Variants in SAMMSON observed in about 807,000 individuals in gnomAD.
SAMMSON encodes survival associated mitochondrial melanoma specific oncogenic non-coding RNA.
At chr3:70,263,216 C>T (rs1320665691) in intron 6 of SAMMSON, among the ~76,000 whole-genome samples, 2 of 152,008 alleles carry the variant, frequency 1.3e-5, no homozygotes, top group Non-Finnish European at 2.9e-5. Flanking sequence ...TATTTTCCTG[C>T]TTCTTCTTTC....
At chr3:70,275,796 G>A (rs918723061) in intron 6 of SAMMSON, among the ~76,000 whole-genome samples, 1 of 152,124 alleles carries the variant, frequency 6.6e-6, no homozygotes, top group Non-Finnish European at 1.5e-5. Flanking sequence ...TGCTATATGA[G>A]GACCTGGTAA....
intron 3 of SAMMSON, among the ~76,000 whole-genome samples, chr3:70,067,177 G>A (rs568704735): frequency 1.3e-5 from 2 of 152,054 alleles, no homozygotes; most frequent in South Asian, 4.2e-4. Flanking sequence ...ACTTGGCACA[G>A]GTATCGGAGA....
intron 2 of SAMMSON, among the ~76,000 whole-genome samples, chr3:70,399,353 A>T (rs985468775): frequency 6.6e-6 from 1 of 152,176 alleles, no homozygotes; most frequent in Non-Finnish European, 1.5e-5. Flanking sequence ...GTGGGTCACA[A>T]AAGTATGAAA....
intron 4 of SAMMSON, among the ~76,000 whole-genome samples, chr3:70,153,041 G>A (rs2067577696): frequency 6.6e-6 from 1 of 151,896 alleles, no homozygotes; most frequent in African/African-American, 2.4e-5. Flanking sequence ...GCCCTTTAAT[G>A]AATCTGAAGG....
intron 6 of SAMMSON, among the ~76,000 whole-genome samples, chr3:70,286,985 A>C (rs1244630341): frequency 4.0e-5 from 6 of 149,642 alleles, no homozygotes; most frequent in African/African-American, 1.0e-4. Context: ...TCTAGATATA[A>C]AATCATGTCG....
chr3:70,216,025 A>G (rs1701406464), intron 4 of SAMMSON, among the ~76,000 whole-genome samples: 1 of 152,144 alleles, frequency 6.6e-6, no homozygotes, highest in Non-Finnish European at 1.5e-5. Context: ...CTGTGAAAAT[A>G]CAAAAAGATA....
chr3:70,080,265 G>C (rs1170131337), intron 4 of SAMMSON, among the ~76,000 whole-genome samples: 1 of 152,160 alleles, frequency 6.6e-6, no homozygotes, highest in African/African-American at 2.4e-5. Context: ...TGGCTTAGCT[G>C]TTTCCCTCTT....
At chr3:70,292,848 G>A (rs934268275) in intron 7 of SAMMSON, among the ~76,000 whole-genome samples, 5 of 151,608 alleles carry the variant, frequency 3.3e-5, no homozygotes, top group Non-Finnish European at 5.9e-5. Flanking sequence ...TTTCTTTGAA[G>A]GTAGAATTAC....
At chr3:70,308,836 G>A (rs13326146) in intron 7 of SAMMSON, among the ~76,000 whole-genome samples, 2,015 of 152,164 alleles carry the variant, frequency 0.013, 30 homozygotes, top group African/African-American at 0.045. Context: ...TTGCTTGCAT[G>A]TTCACTCTGA....
At chr3:70,262,233 T>G (rs1231794196) in intron 6 of SAMMSON, among the ~76,000 whole-genome samples, 1 of 152,150 alleles carries the variant, frequency 6.6e-6, no homozygotes, top group East Asian at 1.9e-4. Flanking sequence ...GCATGAATAA[T>G]TATACCAATA....
chr3:70,070,887 A>G (rs1210674137), intron 3 of SAMMSON, among the ~76,000 whole-genome samples: 1 of 151,990 alleles, frequency 6.6e-6, no homozygotes, highest in African/African-American at 2.4e-5. Context: ...GGAGGTAAAA[A>G]CCCAAATTTT....
chr3:70,395,476 A>G (rs1431507506), intron 2 of SAMMSON, among the ~76,000 whole-genome samples: 3 of 148,266 alleles, frequency 2.0e-5, no homozygotes, highest in Non-Finnish European at 4.5e-5. Flanking sequence ...GTGCAGTAAA[A>G]CTCCTTTATT....
intron 4 of SAMMSON, chr3:70,205,112 G>A (rs1041588437): frequency 3.3e-5 from 5 of 152,152 alleles, no homozygotes; most frequent in African/African-American, 1.2e-4. Context: ...AGTACCTTGA[G>A]CTTTGAAAAA....
In SAMMSON at chr3:70,293,551, A is replaced by G. The variant is rs1277455336; in HGVS notation, n.739+2308A>G. Among the ~76,000 whole-genome samples the G allele has an allele frequency of 2.0e-5, 3 of 152,064 alleles. 1 individual carries two copies. Among genetic ancestry groups the G allele is most frequent in the Admixed American group, 2.0e-4 (3 of 15,262 alleles). Reference sequence around the variant, plus strand: ...GAAGGAAATCTTAAGTTTTAGTTAGAGGTTGTGAAAATAAAACATCTGTGC... The same window carrying G: ...GAAGGAAATCTTAAGTTTTAGTTAGGGGTTGTGAAAATAAAACATCTGTGC... On this transcript the variant is annotated intron_variant and non_coding_transcript_variant, in intron 7 of 9. Transcript: ENST00000642114.
intron 4 of SAMMSON, chr3:70,072,227 G>A (rs2067232692): frequency 6.6e-6 from 1 of 151,620 alleles, no homozygotes; most frequent in African/African-American, 2.4e-5. Flanking sequence ...ACTCCAAATC[G>A]ACTACTCAGA....
chr3:70,295,390 T>C (rs115227239), intron 7 of SAMMSON, among the ~76,000 whole-genome samples: 1 of 152,154 alleles, frequency 6.6e-6, no homozygotes, highest in Non-Finnish European at 1.5e-5. Context: ...TTTGACTGAA[T>C]TATTCCCAAA....
At chr3:70,329,810 C>T (rs1330316652) in intron 7 of SAMMSON, among the ~76,000 whole-genome samples, 1 of 151,722 alleles carries the variant, frequency 6.6e-6, no homozygotes, top group Non-Finnish European at 1.5e-5. Flanking sequence ...TGATGTTTCT[C>T]AAAACTTTAT....
intron 4 of SAMMSON, among the ~76,000 whole-genome samples, chr3:70,103,744 A>G (rs1355213592): frequency 1.3e-5 from 2 of 152,174 alleles, no homozygotes; most frequent in African/African-American, 4.8e-5. Flanking sequence ...TAAAAAAGGC[A>G]TCTAATCTTT....
intron 4 of SAMMSON, among the ~76,000 whole-genome samples, chr3:70,142,125 G>T (rs1192776596): frequency 5.0e-4 from 2 of 4,010 alleles, no homozygotes; most frequent in South Asian, 0.5. Flanking sequence ...CAGCATGGAG[G>T]TTCCCTAAAA....
Sources: gnomAD v4.1 joint callset for allele counts (sites outside exome capture counted in the v4.1 genomes callset) on GRCh38, gnomAD v4.1.1 for gene constraint, MANE v1.5 for transcripts, NCBI Gene and HGNC (gene_info 2026-07-23, HGNC 2026-07-21) for gene names.